The following KREMEN1 variants were observed in gnomAD, a reference collection of about 807,000 sequenced individuals.
The protein encoded by KREMEN1 is kremen protein 1.
In KREMEN1, 30 loss-of-function variants were observed where a neutral mutation model predicts 46.5. That is an observed-to-expected ratio of 0.65 (90% CI 0.48 to 0.88). The LOEUF (loss-of-function observed/expected upper bound fraction) is 0.88. Ranked by LOEUF, KREMEN1 falls within the 40% of genes least tolerant of loss-of-function variation. The probability of loss-of-function intolerance (pLI) is 0.00; values close to 1 mark genes in which losing one functional copy is unlikely to be tolerated. For synonymous variants in KREMEN1, 214 were observed against 230.6 expected (o/e 0.93, Z 0.65); for missense variants, 533 against 596.9 (o/e 0.89, Z 1.11).
Position 29,144,217 on chromosome 22 carries a change from T to G in KREMEN1, c.*2105T>G, listed in dbSNP as rs2038816925. 1.0e-6 allele frequency: 1 copy of G among 985,562 alleles called. No individual in the cohort carries two copies. 61.1% of individuals were successfully genotyped at this position (985,562 alleles called of 1,614,324 possible). On this transcript the variant is annotated 3_prime_UTR_variant, in exon 9 of 9. Transcript: ENST00000400335. ...CCCCAAGCCCTGAGCCACTGCCTGCTGGGGCTCCTACTGAGGTTCTGGAAA... is the reference window on the plus strand; with the variant it reads ...CCCCAAGCCCTGAGCCACTGCCTGCGGGGGCTCCTACTGAGGTTCTGGAAA...
At chr22:29,082,557 C>G (rs968833022) in intron 1 of KREMEN1, among the ~76,000 whole-genome samples, 2 of 152,212 alleles carry the variant, frequency 1.3e-5, no homozygotes, top group Non-Finnish European at 2.9e-5. Context: ...TGTAATGGAG[C>G]TTTCCCCTAG....
chr22:29,100,570 C>T (rs1282552276), intron 3 of KREMEN1, among the ~76,000 whole-genome samples: 2 of 152,082 alleles, frequency 1.3e-5, no homozygotes, highest in Non-Finnish European at 2.9e-5. Context: ...ATAACATATA[C>T]AATTATGTAC....
intron 9 of KREMEN1, among the ~76,000 whole-genome samples, chr22:29,161,822 G>C (rs986707038): frequency 6.6e-5 from 10 of 151,846 alleles, no homozygotes; most frequent in Admixed American, 2.0e-4. Context: ...GAATTCAACA[G>C]CACATCAAAA....
chr22:29,077,914 G>A (rs2037597333), intron 1 of KREMEN1, among the ~76,000 whole-genome samples: 1 of 152,024 alleles, frequency 6.6e-6, no homozygotes, highest in South Asian at 2.1e-4. Context: ...TTTTTAAAAA[G>A]ATACGTATGG....
At chr22:29,079,374 A>G (rs1443800762) in intron 1 of KREMEN1, among the ~76,000 whole-genome samples, 1 of 152,206 alleles carries the variant, frequency 6.6e-6, no homozygotes, top group East Asian at 1.9e-4. Flanking sequence ...CCCTGCATTT[A>G]TACAACAGGG....
chr22:29,151,941 T>C (rs911806793), intron 9 of KREMEN1, among the ~76,000 whole-genome samples: 27 of 139,264 alleles, frequency 1.9e-4, no homozygotes, highest in Non-Finnish European at 3.2e-4. Flanking sequence ...ACCGGGGAGG[T>C]GGAGGTTGCC....
At chr22:29,115,435 TA>T (rs1556008397) in intron 3 of KREMEN1, among the ~76,000 whole-genome samples, 106 of 90,620 alleles carry the variant, frequency 1.2e-3, no homozygotes, top group South Asian at 0.011. Context: ...CCTATGGAAA[TA>T]AAAAAAAAAA....
At chr22:29,106,429 C>T (rs1030379434) in intron 3 of KREMEN1, among the ~76,000 whole-genome samples, 2 of 151,396 alleles carry the variant, frequency 1.3e-5, no homozygotes, top group African/African-American at 2.4e-5. Flanking sequence ...CGGGGTTTCA[C>T]CTTGTTAGCC....
intron 2 of KREMEN1, among the ~76,000 whole-genome samples, chr22:29,096,542 C>A (rs77297625): frequency 0.086 from 13,133 of 152,146 alleles, 811 homozygotes; most frequent in African/African-American, 0.17. Context: ...TCAGCCATCA[C>A]ATCAAACCCT....
intron 9 of KREMEN1, among the ~76,000 whole-genome samples, chr22:29,160,539 C>CAAAAAAAAAAAAAAAAAAAAAAAAAAA (rs132303): frequency 9.7e-6 from 1 of 103,508 alleles, no homozygotes; most frequent in African/African-American, 3.6e-5. Flanking sequence ...GACTCCGTCT[C>CAAAAAAAAAAAAAAAAAAAAAAAAAAA]AAAAAAAAAA....
intron 1 of KREMEN1, among the ~76,000 whole-genome samples, chr22:29,087,646 A>G (rs1601755390): frequency 6.6e-6 from 1 of 150,396 alleles, no homozygotes; most frequent in African/African-American, 2.5e-5. Flanking sequence ...GCTCACTGCA[A>G]CCTCCGCCTC....
Position 29,140,132 on chromosome 22 carries a change from T to C in KREMEN1, c.1124-150T>C, listed in dbSNP as rs550800769. The stretch of plus-strand genomic sequence containing the variant: ...GGCCCCATGCTTAGCCTGGGTCAGC[T>C]GCTCCTGAGGCTAGGTTTGCTAGCT... On this transcript the variant is annotated intron_variant, in intron 7 of 8. Transcript: ENST00000400335. 6 of 637,458 alleles carry C rather than the reference T, an allele frequency of 9.4e-6. No homozygotes were observed. The Admixed American group carries it at 1.1e-4, about 12-fold the overall frequency. 39.5% of individuals were successfully genotyped at this position (637,458 alleles called of 1,614,324 possible). A position where few individuals can be genotyped will look rare whatever the true frequency, so the allele number is the denominator to read the frequency against.
At chr22:29,133,255 AAAAAAAG>A (rs1802606310) in intron 5 of KREMEN1, among the ~76,000 whole-genome samples, 1 of 150,980 alleles carries the variant, frequency 6.6e-6, no homozygotes, top group African/African-American at 2.4e-5. Flanking sequence ...CTCAAAAAAA[AAAAAAAG>A]AAAAAAGAAA....
At position 29,092,346 on chromosome 22, in the gene KREMEN1, G is replaced by A. The variant is rs186228245; in HGVS notation, c.98-1912G>A. On this transcript the variant is annotated intron_variant, in intron 1 of 8. Coordinates refer to ENST00000400335, the MANE Select transcript of KREMEN1 (RefSeq NM_001039570.3). ...CCCAGCTCCCTTATCTGTAAAATGG[G>A]GTACTAAGGTACCTCTCTGGGTTGG... Among the ~76,000 whole-genome samples the A allele has an allele frequency of 2.5e-4, 38 of 152,218 alleles. No homozygotes were observed. In the East Asian group the frequency reaches 6.0e-3, roughly 24 times the overall value.
intron 5 of KREMEN1, among the ~76,000 whole-genome samples, chr22:29,131,828 A>C (rs1301806496): frequency 3.7e-5 from 5 of 135,112 alleles, no homozygotes; most frequent in African/African-American, 5.6e-5. Context: ...CACAGTATTT[A>C]GCCATTTGTC....
intron 5 of KREMEN1, among the ~76,000 whole-genome samples, chr22:29,130,648 G>A (rs2038517702): frequency 3.3e-5 from 5 of 152,156 alleles, no homozygotes; most frequent in South Asian, 4.1e-4. Flanking sequence ...TAGAAGTGGA[G>A]CACTCAGCTG....
intron 4 of KREMEN1, among the ~76,000 whole-genome samples, chr22:29,121,955 A>T (rs931156269): frequency 6.6e-6 from 1 of 152,240 alleles, no homozygotes; most frequent in Non-Finnish European, 1.5e-5. Context: ...AAATCATTTT[A>T]AAAAGTTGGT....
chr22:29,136,174 G>T (rs1448171805), intron 5 of KREMEN1, among the ~76,000 whole-genome samples: 2 of 151,608 alleles, frequency 1.3e-5, no homozygotes, highest in Non-Finnish European at 2.9e-5. Context: ...CACCTGCCTT[G>T]GCCTCCCAAA....
At chr22:29,136,464 C>T (rs2038658975) in intron 5 of KREMEN1, among the ~76,000 whole-genome samples, 1 of 151,650 alleles carries the variant, frequency 6.6e-6, no homozygotes, top group African/African-American at 2.4e-5. Flanking sequence ...GTCCCAGCTA[C>T]TCGGAAGGCT....
Sources: gnomAD v4.1 joint callset for allele counts (sites outside exome capture counted in the v4.1 genomes callset) on GRCh38, gnomAD v4.1.1 for gene constraint, MANE v1.5 for transcripts, NCBI Gene and HGNC (gene_info 2026-07-23, HGNC 2026-07-21) for gene names.